Variants in CRISPLD2 observed in about 807,000 individuals in gnomAD.
The protein encoded by CRISPLD2 is cysteine rich secretory protein LCCL domain containing 2, also known as cysteine-rich secretory protein LCCL domain-containing 2.
A neutral mutation model predicts 71.1 loss-of-function variants in CRISPLD2; 47 were observed. That is an observed-to-expected ratio of 0.66 (90% CI 0.52 to 0.84). The LOEUF is 0.84. Among genes scored for constraint, CRISPLD2 ranks in the 40% least tolerant of loss-of-function variants. The probability of loss-of-function intolerance (pLI) is 0.00; values close to 1 mark genes in which losing one functional copy is unlikely to be tolerated. For synonymous variants in CRISPLD2, 317 were observed against 250.1 expected (o/e 1.27, Z -2.52); for missense variants, 830 against 651.1 (o/e 1.27, Z -2.99).
chr16:84,867,614 T>G (rs1917577057), intron 7 of CRISPLD2, among the ~76,000 whole-genome samples: 1 of 152,222 alleles, frequency 6.6e-6, no homozygotes, highest in Admixed American at 6.5e-5. Context: ...TCACCCAGGT[T>G]GGAGTCCAGT....
At chr16:84,833,350 T>G (rs1199382593) in intron 1 of CRISPLD2, among the ~76,000 whole-genome samples, 1 of 152,174 alleles carries the variant, frequency 6.6e-6, no homozygotes, top group Non-Finnish European at 1.5e-5. Flanking sequence ...ACTTGTGGTC[T>G]TATGGGCTCA....
chr16:84,899,855 C>T (rs774774771), intron 14 of CRISPLD2, among the ~76,000 whole-genome samples: 5 of 152,130 alleles, frequency 3.3e-5, no homozygotes, highest in African/African-American at 4.8e-5. Context: ...AATCTGCAGA[C>T]CCATAGTAAG....
chr16:84,845,380 A>G (rs1916883749), intron 2 of CRISPLD2, among the ~76,000 whole-genome samples: 1 of 152,164 alleles, frequency 6.6e-6, no homozygotes, highest in Admixed American at 6.5e-5. Flanking sequence ...TGCCTGGAAC[A>G]TGCATAAGGA....
chr16:84,889,731 C>T (rs1372702257), intron 14 of CRISPLD2, among the ~76,000 whole-genome samples: 3 of 148,064 alleles, frequency 2.0e-5, no homozygotes, highest in Non-Finnish European at 3.0e-5. Flanking sequence ...TCTTGGCGTG[C>T]GTCCTTCCGG....
intron 6 of CRISPLD2, among the ~76,000 whole-genome samples, chr16:84,855,444 A>G (rs1319827633): frequency 6.6e-6 from 1 of 152,216 alleles, no homozygotes; most frequent in Non-Finnish European, 1.5e-5. Context: ...CCAGCACGGG[A>G]GAAAGATGGA....
intron 14 of CRISPLD2, among the ~76,000 whole-genome samples, chr16:84,896,075 G>C (rs2071703269): frequency 6.8e-6 from 1 of 147,428 alleles, no homozygotes; most frequent in Admixed American, 6.8e-5. Context: ...GTCTCCCTCT[G>C]TTGCCCAGGC....
intron 6 of CRISPLD2, among the ~76,000 whole-genome samples, chr16:84,855,635 C>T (rs1426956279): frequency 2.0e-5 from 3 of 152,222 alleles, no homozygotes; most frequent in Non-Finnish European, 4.4e-5. Context: ...CAGACACACC[C>T]AGGATCAGTG....
chr16:84,883,778 C>T (rs1190190910), intron 13 of CRISPLD2, among the ~76,000 whole-genome samples: 1 of 151,812 alleles, frequency 6.6e-6, no homozygotes, highest in East Asian at 1.9e-4. Context: ...TGGCATTTGT[C>T]TTGACTGACG....
rs778484442 is a variant in CRISPLD2, at chr16:84,873,069, C to T, written c.1059C>T (p.Asn353=). The T allele has an allele frequency of 1.8e-5, 29 of 1,613,964 alleles. No individual in the cohort carries two copies. The highest frequency in any genetic ancestry group is 1.0e-4 in the Admixed American group (6 of 60,000). Residue 353 remains asparagine (N), a synonymous_variant, in exon 10 of 15, where the codon AAC becomes AAT. Coordinates refer to ENST00000262424, the MANE Select transcript of CRISPLD2 (RefSeq NM_031476.4). The stretch of plus-strand genomic sequence containing the variant: ...GAGGCCTGGTGGATATCACCAGGAA[C>T]GGGAAGGTCCCCTTCTTCGTGAAGT... ...DKGGLVDITR[N]GKVPFFVKSE...
chr16:84,820,470 C>T (rs560711008), intron 1 of CRISPLD2, among the ~76,000 whole-genome samples: 1 of 152,106 alleles, frequency 6.6e-6, no homozygotes, highest in Non-Finnish European at 1.5e-5. Context: ...TTCCTGTGTT[C>T]GTAGTGGGTG....
chr16:84,896,272 T>C (rs897442059), intron 14 of CRISPLD2, among the ~76,000 whole-genome samples: 88 of 151,906 alleles, frequency 5.8e-4, no homozygotes, highest in Non-Finnish European at 1.8e-4. Flanking sequence ...TGGTCTCGAA[T>C]TCGTGACCTC....
intron 6 of CRISPLD2, chr16:84,862,947 A>G (rs1302780350): frequency 1.3e-5 from 2 of 152,070 alleles, no homozygotes; most frequent in Non-Finnish European, 2.9e-5. Context: ...TGGAAGAAGG[A>G]GCGATCTGGA....
intron 9 of CRISPLD2, 63 bp from the exon 10 acceptor site, chr16:84,872,929 C>T (rs1281228989): frequency 4.5e-6 from 7 of 1,546,282 alleles, no homozygotes; most frequent in Non-Finnish European, 5.2e-6. Context: ...TTGGGTATTT[C>T]TGGTGAAACT....
intron 5 of CRISPLD2, 149 bp from the exon 6 acceptor site, chr16:84,854,580 C>T (rs1917181134): frequency 3.0e-6 from 2 of 662,504 alleles, no homozygotes; most frequent in Non-Finnish European, 5.5e-6. Context: ...CCTGGGATAG[C>T]CATCTTTCCC....
chr16:84,906,663 A>G lies in CRISPLD2; in HGVS notation c.*21A>G, dbSNP rs774499086. The stretch of plus-strand genomic sequence containing the variant: ...AGTGAATTTCCAGCACCAGGGGAGA[A>G]GGGGCGTCTTCAGGAGGGCTTCGGG... On this transcript the variant is annotated 3_prime_UTR_variant, in exon 15 of 15. Coordinates refer to ENST00000262424, the MANE Select transcript of CRISPLD2 (RefSeq NM_031476.4). 4.3e-6 allele frequency: 7 copies of G among 1,614,018 alleles called. No homozygotes were observed. The highest frequency in any genetic ancestry group is 2.2e-5 in the South Asian group (2 of 91,080).
At chr16:84,852,556 G>A (rs1396635961) in intron 5 of CRISPLD2, among the ~76,000 whole-genome samples, 2 of 152,210 alleles carry the variant, frequency 1.3e-5, no homozygotes, top group African/African-American at 4.8e-5. Flanking sequence ...ATTACTGCGT[G>A]CTGTCCATGG....
At chr16:84,858,364 C>G (rs146068317) in intron 6 of CRISPLD2, among the ~76,000 whole-genome samples, 3 of 152,308 alleles carry the variant, frequency 2.0e-5, no homozygotes, top group Non-Finnish European at 2.9e-5. Context: ...CCTCCAGAAT[C>G]CTAATTGGCC....
At chr16:84,898,933 G>T (rs904413453) in intron 14 of CRISPLD2, among the ~76,000 whole-genome samples, 5 of 152,146 alleles carry the variant, frequency 3.3e-5, no homozygotes, top group African/African-American at 9.7e-5. Context: ...TTGTACTCCT[G>T]GGCTCACTGC....
chr16:84,877,561 C>T (rs757882775), intron 12 of CRISPLD2, 51 bp downstream of exon 12: 27 of 1,576,910 alleles, frequency 1.7e-5, no homozygotes, highest in Non-Finnish European at 2.2e-5. Context: ...TTAGAAGTAG[C>T]TTTTTAGGCT....
Sources: allele counts gnomAD v4.1 joint callset (sites outside exome capture counted in the v4.1 genomes callset), GRCh38; gene constraint gnomAD v4.1.1; transcripts MANE v1.5; gene names NCBI Gene and HGNC (gene_info 2026-07-23, HGNC 2026-07-21).